Variants in BCHE observed in about 807,000 individuals in gnomAD.
BCHE encodes the protein cholinesterase.
In BCHE, 48 loss-of-function variants were observed where a neutral mutation model predicts 51.3. That is an observed-to-expected ratio of 0.94 (90% CI 0.74 to 1.19). BCHE has a LOEUF of 1.19. Among genes scored for constraint, BCHE ranks in the 50% most tolerant of loss-of-function variants. BCHE has a pLI of 0.00. For synonymous variants in BCHE, 251 were observed against 238.0 expected (o/e 1.05, Z -0.50); for missense variants, 847 against 708.2 (o/e 1.20, Z -2.23).
chr3:165,824,652 A>C (rs1190456503), intron 2 of BCHE, among the ~76,000 whole-genome samples: 1 of 152,078 alleles, frequency 6.6e-6, no homozygotes, highest in Admixed American at 6.6e-5. Context: ...CAAATTAAAA[A>C]ATTGATAAAT....
intron 1 of BCHE, among the ~76,000 whole-genome samples, chr3:165,837,094 A>T (rs1188134682): frequency 6.6e-6 from 1 of 152,170 alleles, no homozygotes; most frequent in Non-Finnish European, 1.5e-5. Context: ...TTTTCTCAGC[A>T]GTTAAATAAA....
At position 165,773,342 on chromosome 3, in the gene BCHE, T is replaced by A. The variant is rs1387311790; in HGVS notation, c.*40A>T. ...AAAGCTCCTGATATTTTTGCCTTGA[T>A]CTAAAGGAAAATATGTTCTATAAAG... On this transcript the variant is annotated 3_prime_UTR_variant, in exon 4 of 4. Coordinates refer to ENST00000264381, the MANE Select transcript of BCHE (RefSeq NM_000055.4). The A allele has an allele frequency of 3.1e-6, 5 of 1,587,392 alleles. No individual in the cohort carries two copies. Among genetic ancestry groups the A allele is most frequent in the Non-Finnish European group, 3.4e-6 (4 of 1,161,448 alleles).
At chr3:165,777,631 A>G (rs904315985) in intron 3 of BCHE, 4 of 270,496 alleles carry the variant, frequency 1.5e-5, no homozygotes, top group African/African-American at 4.5e-5. Context: ...CAAATTTGCA[A>G]GTACAAATGT....
In BCHE at chr3:165,830,980, C is replaced by A; in HGVS notation, c.54G>T (p.Leu18Phe). 1 of 1,613,526 alleles carries A rather than the reference C, an allele frequency of 6.2e-7. No individual in the cohort carries two copies. The highest frequency in any genetic ancestry group is 1.1e-5 in the South Asian group (1 of 91,068). ...ICIRFLFWFL[L>F]LCMLIGKSHT... is the part of the protein sequence containing the mutation. Reference sequence around the variant, plus strand: ...GTGACTTCCCAATAAGCATGCAGAGCAAAAGAAACCAAAAGAGAAATCTGA... The same window carrying A: ...GTGACTTCCCAATAAGCATGCAGAGAAAAAGAAACCAAAAGAGAAATCTGA... The change falls in exon 2 of 4, where the codon TTG becomes TTT. Residue 18 changes from leucine to phenylalanine, a missense_variant. By Grantham distance (22) the Leu-to-Phe change is conservative. Coordinates refer to ENST00000264381, the MANE Select transcript of BCHE (RefSeq NM_000055.4).
At chr3:165,824,586 A>T (rs955846031) in intron 2 of BCHE, among the ~76,000 whole-genome samples, 1 of 152,076 alleles carries the variant, frequency 6.6e-6, no homozygotes, top group Non-Finnish European at 1.5e-5. Flanking sequence ...ATAAATATTG[A>T]AAAGGAAGAA....
intron 3 of BCHE, among the ~76,000 whole-genome samples, chr3:165,774,313 T>G (rs533963837): frequency 6.6e-6 from 1 of 152,214 alleles, no homozygotes; most frequent in East Asian, 1.9e-4. Flanking sequence ...TTACCCTTAT[T>G]ATAATACAAT....
chr3:165,804,925 G>C (rs536394687), intron 2 of BCHE, among the ~76,000 whole-genome samples: 32 of 152,232 alleles, frequency 2.1e-4, no homozygotes, highest in African/African-American at 7.5e-4. Context: ...GAAAGATTAA[G>C]AGAAAAAGGC....
chr3:165,800,569 C>A (rs1294519993), intron 2 of BCHE, among the ~76,000 whole-genome samples: 5 of 152,144 alleles, frequency 3.3e-5, no homozygotes, highest in African/African-American at 2.4e-5. Flanking sequence ...GTACTTGACA[C>A]CAGATGTATT....
chr3:165,820,214 G>T (rs1397409123), intron 2 of BCHE, among the ~76,000 whole-genome samples: 3 of 152,072 alleles, frequency 2.0e-5, no homozygotes, highest in Non-Finnish European at 4.4e-5. Context: ...GGGGACATCG[G>T]ATTTCTCTAT....
chr3:165,773,596 T>C, intron 3 of BCHE, 90 bp from the exon 4 acceptor site: 1 of 1,099,126 alleles, frequency 9.1e-7, no homozygotes, highest in Admixed American at 2.0e-5. Context: ...CCATTTTCTC[T>C]AACTACACAG....
intron 2 of BCHE, among the ~76,000 whole-genome samples, chr3:165,815,441 T>G (rs1714277798): frequency 6.6e-6 from 1 of 152,130 alleles, no homozygotes; most frequent in South Asian, 2.1e-4. Flanking sequence ...GCTTCAGCTC[T>G]GTAAGCCTCA....
chr3:165,774,077 C>A (rs1268714470), intron 3 of BCHE, among the ~76,000 whole-genome samples: 3 of 151,766 alleles, frequency 2.0e-5, no homozygotes, highest in Non-Finnish European at 1.5e-5. Flanking sequence ...ATAATTCATA[C>A]CTAATATAAT....
chr3:165,808,685 G>A (rs1022037085), intron 2 of BCHE, among the ~76,000 whole-genome samples: 2 of 152,020 alleles, frequency 1.3e-5, no homozygotes, highest in African/African-American at 4.8e-5. Flanking sequence ...GATTGTTTGA[G>A]CTCTGGGTGG....
chr3:165,777,688 A>G (rs1712526324), intron 3 of BCHE: 2 of 410,612 alleles, frequency 4.9e-6, no homozygotes, highest in African/African-American at 4.1e-5. Flanking sequence ...CTTGAACAAC[A>G]TGAGTCTGAA....
chr3:165,795,854 T>G (rs566338136), intron 2 of BCHE, among the ~76,000 whole-genome samples: 1 of 152,222 alleles, frequency 6.6e-6, no homozygotes, highest in East Asian at 1.9e-4. Context: ...TGTTTCATCA[T>G]TCCTGACTTG....
chr3:165,819,053 G>A (rs918895946), intron 2 of BCHE, among the ~76,000 whole-genome samples: 4 of 146,406 alleles, frequency 2.7e-5, no homozygotes, highest in African/African-American at 7.5e-5. Context: ...CTTAAGTACT[G>A]TGTGTTTAGG....
intron 2 of BCHE, among the ~76,000 whole-genome samples, chr3:165,795,195 ACT>A (rs1713326978): frequency 1.3e-5 from 2 of 152,058 alleles, no homozygotes; most frequent in African/African-American, 4.8e-5. Flanking sequence ...CACATTGAAA[ACT>A]CACACTGATT....
In BCHE at chr3:165,830,788, A is replaced by G. The variant is rs374649054; in HGVS notation, c.246T>C (p.Asp82=). Residue 82 remains aspartate (D), a synonymous_variant, in exon 2 of 4, where the codon GAT becomes GAC. Transcript: ENST00000264381. ...KKPQSLTKWS[D]IWNATKYANS... is the part of the protein sequence containing the mutation. ...TTGCATATTTTGTGGCATTCCAAAT[A>G]TCAGACCACTTGGTCAGAGACTGTG... 11 of 1,613,782 alleles carry G rather than the reference A, an allele frequency of 6.8e-6. No individual in the cohort carries two copies. Among genetic ancestry groups the G allele is most frequent in the Non-Finnish European group, 8.5e-6 (10 of 1,179,836 alleles).
At position 165,830,474 on chromosome 3, in the gene BCHE, T is replaced by A. The variant is rs761532924; in HGVS notation, c.560A>T (p.Asn187Ile). Reference sequence around the variant, plus strand: ...ACCCATGTTCCCTGGAGCCTCAGGATTTCCTGGCAAAGCTAAGAATCCTAG... The same window carrying A: ...ACCCATGTTCCCTGGAGCCTCAGGAATTCCTGGCAAAGCTAAGAATCCTAG... ...GALGFLALPG[N>I]PEAPGNMGLF... Residue 187 changes from asparagine (N) to isoleucine (I), a missense_variant, in exon 2 of 4, where the codon AAT (asparagine) becomes ATT (isoleucine). By Grantham distance (149) the Asn-to-Ile change is moderately radical. Coordinates refer to ENST00000264381, the MANE Select transcript of BCHE (RefSeq NM_000055.4). 2.8e-5 allele frequency: 45 copies of A among 1,613,768 alleles called. No individual in the cohort carries two copies. The highest frequency in any genetic ancestry group is 3.8e-5 in the Non-Finnish European group (45 of 1,179,850).
Sources: gnomAD v4.1 joint callset for allele counts (sites outside exome capture counted in the v4.1 genomes callset) on GRCh38, gnomAD v4.1.1 for gene constraint, MANE v1.5 for transcripts, NCBI Gene and HGNC (gene_info 2026-07-23, HGNC 2026-07-21) for gene names.